Variants in FLVCR1 observed in about 807,000 individuals in gnomAD.
FLVCR1 encodes FLVCR choline and heme transporter 1.
In FLVCR1, 34 loss-of-function variants were observed where a neutral mutation model predicts 53.6. The ratio of observed to expected loss-of-function variants is 0.63; its 90% CI spans 0.48 to 0.84. FLVCR1 has a LOEUF of 0.84. Ranked by LOEUF, FLVCR1 falls within the 40% of genes least tolerant of loss-of-function variation. The pLI is 0.00. For missense variants in FLVCR1, 677 were observed against 696.7 expected (o/e 0.97, Z 0.32); for synonymous variants, 300 against 286.3 (o/e 1.05, Z -0.48).
chr1:212,874,361 T>G (rs1664691950), intron 3 of FLVCR1, among the ~76,000 whole-genome samples: 1 of 152,122 alleles, frequency 6.6e-6, no homozygotes, highest in African/African-American at 2.4e-5. Context: ...TCCTTATATA[T>G]TAATACTTTT....
chr1:212,898,007 A>C lies in FLVCR1; in HGVS notation c.*2717A>C, dbSNP rs1269147813. ...CCCTGGGGAATGTGTTATCTAAAGA[A>C]TTTGACTAAGAATCAGGAACTCTGT... On this transcript the variant is annotated 3_prime_UTR_variant, in exon 10 of 10. Transcript: ENST00000366971. The C allele has an allele frequency of 6.6e-6, 1 of 152,218 alleles. No homozygotes were observed. Among genetic ancestry groups the C allele is most frequent in the Non-Finnish European group, 1.5e-5 (1 of 68,032 alleles). 9.4% of individuals were successfully genotyped at this position (152,218 alleles called of 1,614,324 possible).
Position 212,858,481 on chromosome 1 carries a change from C to T in FLVCR1, c.29C>T (p.Ala10Val). Residue 10 changes from alanine to valine, a missense_variant, in exon 1 of 10, where the codon GCG becomes GTG. Physicochemically the swap from Ala to Val is moderately conservative, Grantham distance 64. Transcript: ENST00000366971. MARPDDEEGAAVAPGHPLAK... is the reference protein window; with the variant it reads MARPDDEEGVAVAPGHPLAK... ...GCGCGGCCAGACGATGAGGAGGGGG[C>T]GGCGGTGGCGCCCGGACACCCGCTC... is the stretch of plus-strand genomic sequence containing the variant. 1 of 1,442,756 alleles carries T rather than the reference C, an allele frequency of 6.9e-7. No homozygotes were observed. The highest frequency in any genetic ancestry group is 9.1e-7 in the Non-Finnish European group (1 of 1,102,774). 89.4% of individuals were successfully genotyped at this position (1,442,756 alleles called of 1,614,324 possible). A position where few individuals can be genotyped will look rare whatever the true frequency, so the allele number is the denominator to read the frequency against.
intron 5 of FLVCR1, chr1:212,885,711 C>T (rs988644012): frequency 4.1e-5 from 10 of 244,354 alleles, no homozygotes; most frequent in South Asian, 1.1e-4. Context: ...CCACCATGTC[C>T]GGCTAATTTT....
intron 3 of FLVCR1, among the ~76,000 whole-genome samples, chr1:212,882,134 T>C (rs1483499888): frequency 6.6e-6 from 1 of 152,206 alleles, no homozygotes; most frequent in African/African-American, 2.4e-5. Flanking sequence ...GAAGGTCTAC[T>C]CTAGATATAT....
chr1:212,878,533 C>CAAAA (rs58243050), intron 3 of FLVCR1, among the ~76,000 whole-genome samples: 1 of 112,840 alleles, frequency 8.9e-6, no homozygotes, highest in African/African-American at 3.7e-5. Context: ...GTCTCCGTCT[C>CAAAA]AAAAAAAAAA....
At chr1:212,894,327 G>A (rs2102576109) in intron 8 of FLVCR1, among the ~76,000 whole-genome samples, 1 of 152,016 alleles carries the variant, frequency 6.6e-6, no homozygotes, top group Non-Finnish European at 1.5e-5. Flanking sequence ...CTAATTTTTT[G>A]TGTTTTTAGT....
Position 212,859,090 on chromosome 1 carries a change from C to G in FLVCR1, c.638C>G (p.Ala213Gly). 6.2e-7 allele frequency: 1 copy of G among 1,613,710 alleles called. No individual in the cohort carries two copies. Among genetic ancestry groups the G allele is most frequent in the Non-Finnish European group, 8.5e-7 (1 of 1,179,874 alleles). ...TMLGQCLCSVAQVFILGLPSR... is the reference protein window; with the variant it reads ...TMLGQCLCSVGQVFILGLPSR... Reference sequence around the variant, plus strand: ...TTGGGCCAGTGCTTGTGCTCGGTGGCCCAGGTGTTCATCCTGGGCTTGCCC... The same window carrying G: ...TTGGGCCAGTGCTTGTGCTCGGTGGGCCAGGTGTTCATCCTGGGCTTGCCC... Residue 213 changes from alanine to glycine, a missense_variant, in exon 1 of 10, where the codon GCC becomes GGC. By Grantham distance (60) the Ala-to-Gly change is moderately conservative. Coordinates refer to ENST00000366971, the MANE Select transcript of FLVCR1 (RefSeq NM_014053.4).
intron 1 of FLVCR1, 195 bp from the exon 2 acceptor site, chr1:212,863,530 A>G: frequency 1.9e-6 from 1 of 531,838 alleles, no homozygotes; most frequent in South Asian, 2.1e-5. Flanking sequence ...GAGAGGTTGC[A>G]GTGAGCCAAG....
chr1:212,872,968 C>G, intron 3 of FLVCR1, 150 bp downstream of exon 3: 2 of 772,568 alleles, frequency 2.6e-6, no homozygotes, highest in Non-Finnish European at 4.2e-6. Context: ...AGCAGAAAAT[C>G]CAGGATGGAT....
intron 8 of FLVCR1, among the ~76,000 whole-genome samples, chr1:212,889,755 C>A (rs201263754): frequency 4.7e-3 from 528 of 111,346 alleles, no homozygotes; most frequent in African/African-American, 6.2e-3. Context: ...GACTCTGTCT[C>A]AAAAAAAAAA....
chr1:212,867,472 C>G (rs1664471738), intron 2 of FLVCR1, among the ~76,000 whole-genome samples: 1 of 152,042 alleles, frequency 6.6e-6, no homozygotes, highest in Non-Finnish European at 1.5e-5. Context: ...TCTAATTTGT[C>G]CAAGGTTATA....
At chr1:212,881,301 CTTTTTTTTT>C (rs35751115) in intron 3 of FLVCR1, among the ~76,000 whole-genome samples, 1 of 119,682 alleles carries the variant, frequency 8.4e-6, no homozygotes, top group Non-Finnish European at 1.7e-5. Flanking sequence ...ATTTCTTTGT[CTTTTTTTTT>C]TTTTTTTTTG....
In FLVCR1 at chr1:212,863,717, T is replaced by G; in HGVS notation, c.739-8T>G. ...TAATAGCTGTTAACAGGACTATGTG[T>G]TTTTCAGCTTGGAACTGCAGTTGGC... On this transcript the variant is annotated splice_region_variant and splice_polypyrimidine_tract_variant and intron_variant, in intron 1 of 9. Coordinates refer to ENST00000366971, the MANE Select transcript of FLVCR1 (RefSeq NM_014053.4). 1 of 1,613,896 alleles carries G rather than the reference T, an allele frequency of 6.2e-7. No homozygotes were observed. Among genetic ancestry groups the G allele is most frequent in the Non-Finnish European group, 8.5e-7 (1 of 1,179,788 alleles).
chr1:212,895,162 A>C, intron 9 of FLVCR1, 54 bp from the exon 10 acceptor site: 1 of 1,451,408 alleles, frequency 6.9e-7, no homozygotes, highest in Non-Finnish European at 9.7e-7. Context: ...TTGATCTGTT[A>C]TAATAGGATA....
Position 212,858,705 on chromosome 1 carries a change from G to T in FLVCR1, c.253G>T (p.Gly85Cys). Residue 85 changes from glycine (G) to cysteine (C), a missense_variant, in exon 1 of 10, where the codon GGC becomes TGC. Transcript: ENST00000366971. ...EETQARLLPA[G>C]AGAETPGAES... ...GACCCAGGCCCGGCTGCTGCCTGCGGGCGCGGGAGCTGAGACCCCGGGGGC... is the reference window on the plus strand; with the variant it reads ...GACCCAGGCCCGGCTGCTGCCTGCGTGCGCGGGAGCTGAGACCCCGGGGGC... 6.3e-7 allele frequency: 1 copy of T among 1,595,002 alleles called. No homozygotes were observed. Among genetic ancestry groups the T allele is most frequent in the Non-Finnish European group, 8.5e-7 (1 of 1,172,710 alleles).
intron 3 of FLVCR1, among the ~76,000 whole-genome samples, chr1:212,874,119 T>C (rs1175308813): frequency 6.6e-6 from 1 of 152,222 alleles, no homozygotes; most frequent in East Asian, 1.9e-4. Context: ...GCAATTCTCC[T>C]GCCTCAGCCT....
At chr1:212,885,556 TTTTTTTTTTTTTG>T in intron 5 of FLVCR1, 160 bp downstream of exon 5, 1 of 463,858 alleles carries the variant, frequency 2.2e-6, no homozygotes, top group Non-Finnish European at 3.9e-6. Flanking sequence ...GTTTCTTTTT[TTTTTTTTTTTTTG>T]AGACGGAGTC....
Position 212,865,981 on chromosome 1 carries a change from G to GTTTTTTTTT in FLVCR1, c.883+2125_883+2133dup, listed in dbSNP as rs1319691717. 5.2e-3 allele frequency among the ~76,000 whole-genome samples: 216 copies of GTTTTTTTTT among 41,272 alleles called. 3 individuals carry two copies. The highest frequency in any genetic ancestry group is 9.8e-3 in the Non-Finnish European group (161 of 16,354). 27.1% of individuals were successfully genotyped at this position (41,272 alleles called of 152,430 possible). The stretch of plus-strand genomic sequence containing the variant: ...GCATTTGGCTAATTTTTGGGGTTTG[G>GTTTTTTTTT]TTTTTTTTTTTTTTTTTTTTTGAGA... On this transcript the variant is annotated intron_variant, in intron 2 of 9. Coordinates refer to ENST00000366971, the MANE Select transcript of FLVCR1 (RefSeq NM_014053.4).
At chr1:212,870,852 C>T (rs535339734) in intron 2 of FLVCR1, among the ~76,000 whole-genome samples, 9 of 152,262 alleles carry the variant, frequency 5.9e-5, no homozygotes, top group African/African-American at 2.2e-4. Flanking sequence ...CTGCAACCTC[C>T]ACCTCCTGGG....
Sources: allele counts gnomAD v4.1 joint callset (sites outside exome capture counted in the v4.1 genomes callset), GRCh38; gene constraint gnomAD v4.1.1; transcripts MANE v1.5; gene names NCBI Gene and HGNC (gene_info 2026-07-23, HGNC 2026-07-21).